The following ROR1 variants were observed in gnomAD, a reference collection of about 807,000 sequenced individuals.
ROR1 encodes inactive tyrosine-protein kinase transmembrane receptor ROR1.
In ROR1, 19 loss-of-function variants were observed where a neutral mutation model predicts 78.8. That is an observed-to-expected ratio of 0.24 (90% CI 0.17 to 0.35). ROR1 has a LOEUF of 0.35. Ranked by LOEUF, ROR1 falls within the 10% of genes least tolerant of loss-of-function variation. The pLI, the probability that ROR1 is intolerant of heterozygous loss-of-function variation, is 1.00. For missense variants in ROR1, 917 were observed against 1,177.8 expected, an observed-to-expected ratio of 0.78 and a Z score of 3.24; for synonymous variants, 386 against 433.6, an observed-to-expected ratio of 0.89 and a Z score of 1.36.
chr1:63,984,373 C>T (rs922712095), intron 1 of ROR1, among the ~76,000 whole-genome samples: 4 of 152,162 alleles, frequency 2.6e-5, no homozygotes, highest in African/African-American at 9.6e-5. Flanking sequence ...GTCTCCTCTA[C>T]CCCACAAGCC....
At chr1:64,122,535 G>A (rs757408770) in intron 4 of ROR1, among the ~76,000 whole-genome samples, 6 of 152,190 alleles carry the variant, frequency 3.9e-5, no homozygotes, top group Non-Finnish European at 7.3e-5. Flanking sequence ...AAGACAGGGC[G>A]TTCTGCCTTG....
At chr1:64,144,709 T>A (rs900035914) in intron 7 of ROR1, among the ~76,000 whole-genome samples, 10 of 152,330 alleles carry the variant, frequency 6.6e-5, no homozygotes, top group African/African-American at 2.4e-4. Context: ...TGATTTTAAC[T>A]CAGGTCAGCC....
At chr1:64,071,616 C>G (rs116267835) in intron 4 of ROR1, among the ~76,000 whole-genome samples, 3,183 of 145,746 alleles carry the variant, frequency 0.022, 127 homozygotes, top group African/African-American at 0.075. Flanking sequence ...CACACACACA[C>G]AAACCTTGGT....
chr1:64,003,797 G>T (rs285385), intron 1 of ROR1, among the ~76,000 whole-genome samples: 111,579 of 152,104 alleles, frequency 0.73, 42,200 homozygotes, highest in East Asian at 0.94. Context: ...GGCTATGGGC[G>T]TCTCCATTGA....
intron 1 of ROR1, among the ~76,000 whole-genome samples, chr1:63,946,482 A>G (rs573427807): frequency 9.2e-5 from 14 of 152,316 alleles, no homozygotes; most frequent in Admixed American, 6.5e-4. Context: ...TGTACAACAT[A>G]TGTTTTGATA....
At chr1:63,783,355 G>T (rs1644664746) in intron 1 of ROR1, among the ~76,000 whole-genome samples, 1 of 152,232 alleles carries the variant, frequency 6.6e-6, no homozygotes, top group African/African-American at 2.4e-5. Context: ...CTCTAATGCA[G>T]CCATTTTCTC....
intron 1 of ROR1, among the ~76,000 whole-genome samples, chr1:63,903,894 G>A (rs905295617): frequency 5.9e-5 from 9 of 152,114 alleles, no homozygotes; most frequent in Non-Finnish European, 7.3e-5. Context: ...AGACCAGGGA[G>A]AATGACAGGT....
At chr1:63,827,298 C>T (rs1644960204) in intron 1 of ROR1, among the ~76,000 whole-genome samples, 1 of 152,122 alleles carries the variant, frequency 6.6e-6, no homozygotes, top group African/African-American at 2.4e-5. Context: ...AATTAGACCC[C>T]ATTTGTCAAT....
chr1:63,907,848 C>A (rs1326502612), intron 1 of ROR1, among the ~76,000 whole-genome samples: 13 of 152,132 alleles, frequency 8.5e-5, no homozygotes. Flanking sequence ...ACTAGCAAAT[C>A]TTAGGTCTTG....
At chr1:63,855,450 T>C (rs371896029) in intron 1 of ROR1, among the ~76,000 whole-genome samples, 3 of 152,358 alleles carry the variant, frequency 2.0e-5, no homozygotes, top group South Asian at 4.1e-4. Flanking sequence ...TTAGGCCAGT[T>C]GAAGTTGTTC....
intron 8 of ROR1, among the ~76,000 whole-genome samples, chr1:64,162,245 A>G (rs1404108025): frequency 6.6e-6 from 1 of 152,184 alleles, no homozygotes; most frequent in Non-Finnish European, 1.5e-5. Flanking sequence ...TTCAGGGTTT[A>G]AACTCTCTGC....
At chr1:64,019,939 A>G (rs1047984618) in intron 2 of ROR1, among the ~76,000 whole-genome samples, 1 of 152,214 alleles carries the variant, frequency 6.6e-6, no homozygotes, top group Non-Finnish European at 1.5e-5. Flanking sequence ...AAATGCCTAC[A>G]AGTGTCCTTA....
intron 2 of ROR1, among the ~76,000 whole-genome samples, chr1:64,036,142 G>A (rs779076453): frequency 1.6e-4 from 25 of 152,092 alleles, no homozygotes; most frequent in Non-Finnish European, 3.7e-4. Context: ...CTATAGACAG[G>A]TAAAATAAGT....
intron 1 of ROR1, among the ~76,000 whole-genome samples, chr1:63,806,156 C>A (rs1644827241): frequency 6.6e-6 from 1 of 152,114 alleles, no homozygotes; most frequent in African/African-American, 2.4e-5. Flanking sequence ...TTCAGTAACT[C>A]CTTAGTTTAT....
intron 1 of ROR1, among the ~76,000 whole-genome samples, chr1:63,887,194 A>G (rs556588489): frequency 7.0e-6 from 1 of 143,298 alleles, no homozygotes; most frequent in African/African-American, 2.6e-5. Context: ...CCTTTGCCCT[A>G]CTATTTCCTG....
At chr1:64,158,773 T>C (rs1209847667) in intron 7 of ROR1, among the ~76,000 whole-genome samples, 3 of 152,234 alleles carry the variant, frequency 2.0e-5, no homozygotes, top group African/African-American at 4.8e-5. Context: ...TTTTTAAACA[T>C]TTGAACTTTA....
At chr1:63,884,978 C>T (rs1429418133) in intron 1 of ROR1, among the ~76,000 whole-genome samples, 1 of 152,016 alleles carries the variant, frequency 6.6e-6, no homozygotes, top group Non-Finnish European at 1.5e-5. Flanking sequence ...TGCTGAGTAA[C>T]TCTGGGCAAG....
At chr1:63,890,213 A>G (rs1286198207) in intron 1 of ROR1, among the ~76,000 whole-genome samples, 1 of 151,954 alleles carries the variant, frequency 6.6e-6, no homozygotes, top group Non-Finnish European at 1.5e-5. Context: ...TCAAAGTTAC[A>G]CATACTTCTG....
At chr1:63,904,394 TC>T (rs1353842011) in intron 1 of ROR1, among the ~76,000 whole-genome samples, 3 of 152,188 alleles carry the variant, frequency 2.0e-5, no homozygotes, top group African/African-American at 7.2e-5. Flanking sequence ...CAGGCTCTTT[TC>T]CTCAGGATTT....
Sources: allele counts gnomAD v4.1 joint callset (sites outside exome capture counted in the v4.1 genomes callset), GRCh38; gene constraint gnomAD v4.1.1; transcripts MANE v1.5; gene names NCBI Gene and HGNC (gene_info 2026-07-23, HGNC 2026-07-21).